Variants in PLEKHA7 observed in about 807,000 individuals in gnomAD.
PLEKHA7 encodes the protein pleckstrin homology domain containing A7.
In PLEKHA7, 104 loss-of-function variants were observed where a neutral mutation model predicts 170.0. The observed-to-expected ratio is 0.61, with a 90% CI of 0.52 to 0.72. PLEKHA7 has a LOEUF of 0.72. Ranked by LOEUF, PLEKHA7 falls within the 30% of genes least tolerant of loss-of-function variation. PLEKHA7 has a pLI of 0.00. For missense variants in PLEKHA7, 1,615 were observed against 1,671.7 expected (o/e 0.97, Z 0.59); for synonymous variants, 648 against 660.8 (o/e 0.98, Z 0.30).
chr11:16,816,845 G>T lies in PLEKHA7; in HGVS notation c.1821C>A (p.Ile607=). ...CCCTCCTTGGAGAATCCCCCAGCGA[G>T]ATGTCCACACTCCTCCTCTGGTCCG... The part of the protein sequence containing the change: ...KPPDQRRSVD[I]SLGDSPRRAR... The change falls in exon 11 of 27, where the codon ATC becomes ATA. Residue 607 remains isoleucine, a synonymous_variant. Transcript: ENST00000531066. 6.2e-7 allele frequency: 1 copy of T among 1,614,120 alleles called. No homozygotes were observed. The highest frequency in any genetic ancestry group is 8.5e-7 in the Non-Finnish European group (1 of 1,180,012).
intron 3 of PLEKHA7, 48 bp downstream of exon 3, chr11:17,013,919 GCCCGGCGGGAACGGGGAGGGAC>G (rs1865485142): frequency 6.2e-6 from 9 of 1,451,404 alleles, no homozygotes; most frequent in Non-Finnish European, 7.3e-6. Flanking sequence ...AGGGCGGGGC[GCCCGGCGGGAACGGGGAGGGAC>G]CCCCCCCCCG....
At position 16,802,921 on chromosome 11, in the gene PLEKHA7, G is replaced by A. The variant is rs1435554485; in HGVS notation, c.2157+51C>T. ...TCCAGCCTATGTCTCAAGAAAGACA[G>A]GACAAAATGTCCCTCTGCCCATTCC... On this transcript the variant is annotated intron_variant, in intron 15 of 26. Transcript: ENST00000531066. 3 of 1,434,634 alleles carry A rather than the reference G, an allele frequency of 2.1e-6. No individual in the cohort carries two copies. In the South Asian group the frequency reaches 3.5e-5, roughly 17 times the overall value. The allele number at this position is 1,434,634 out of a possible 1,614,324, so 88.9% of individuals were successfully genotyped here.
intron 3 of PLEKHA7, among the ~76,000 whole-genome samples, chr11:16,961,932 G>A (rs989614938): frequency 1.3e-5 from 2 of 152,172 alleles, no homozygotes; most frequent in African/African-American, 2.4e-5. Context: ...GAAGGGTCTG[G>A]CACATAGTAA....
chr11:16,929,678 C>T (rs947654546), intron 3 of PLEKHA7, among the ~76,000 whole-genome samples: 3 of 152,220 alleles, frequency 2.0e-5, no homozygotes, highest in Non-Finnish European at 4.4e-5. Context: ...AGGAACTGCA[C>T]CACCTCAGTG....
intron 3 of PLEKHA7, among the ~76,000 whole-genome samples, chr11:16,944,320 C>T (rs1457368057): frequency 6.6e-6 from 1 of 151,050 alleles, no homozygotes; most frequent in Non-Finnish European, 1.5e-5. Flanking sequence ...TGCCATTGCA[C>T]TCCAACCTAG....
At chr11:16,937,971 G>T (rs930103293) in intron 3 of PLEKHA7, among the ~76,000 whole-genome samples, 1 of 152,088 alleles carries the variant, frequency 6.6e-6, no homozygotes, top group Admixed American at 6.6e-5. Flanking sequence ...TGTTTTGGCT[G>T]CCAGGAAGCT....
intron 26 of PLEKHA7, 52 bp downstream of exon 26, chr11:16,782,702 A>G: frequency 6.5e-7 from 1 of 1,528,716 alleles, no homozygotes; most frequent in South Asian, 1.2e-5. Context: ...GCCCAAGCCC[A>G]CAGGTGCAGT....
intron 3 of PLEKHA7, among the ~76,000 whole-genome samples, chr11:16,948,407 A>G (rs1306288047): frequency 6.6e-6 from 1 of 152,198 alleles, no homozygotes; most frequent in Non-Finnish European, 1.5e-5. Flanking sequence ...CATGCTATAC[A>G]CAATAAATAC....
At chr11:16,998,517 A>C (rs150234492) in intron 3 of PLEKHA7, among the ~76,000 whole-genome samples, 146 of 152,342 alleles carry the variant, frequency 9.6e-4, no homozygotes, top group African/African-American at 3.3e-3. Context: ...GTATTCACAG[A>C]ACAGGAAGCC....
rs758985894 is a variant in PLEKHA7 at position 16,790,811 on chromosome 11, C to T, written c.3039G>A (p.Thr1013=). The T allele has an allele frequency of 1.3e-5, 21 of 1,608,402 alleles. No individual in the cohort carries two copies. The highest frequency in any genetic ancestry group is 1.0e-4 in the Admixed American group (6 of 59,354). Residue 1013 remains threonine (T), a synonymous_variant, in exon 21 of 27, where the codon ACG becomes ACA. Coordinates refer to ENST00000531066, the MANE Select transcript of PLEKHA7 (RefSeq NM_001329630.2). ...GLVGPESRYQ[T]LPGRGLSGST... The stretch of plus-strand genomic sequence containing the variant: ...GCCCTGCCTTACCTCTGCCTGGCAG[C>T]GTCTGGTACCTGCTCTCAGGGCCCA...
At chr11:16,816,745 G>A (rs1460272703) in intron 11 of PLEKHA7, 55 bp downstream of exon 11, 1 of 1,581,260 alleles carries the variant, frequency 6.3e-7, no homozygotes, top group Admixed American at 1.8e-5. Flanking sequence ...ACCAGGCAAA[G>A]CTCCTGGCGC....
At chr11:16,951,268 T>C (rs1565148654) in intron 3 of PLEKHA7, among the ~76,000 whole-genome samples, 1 of 152,040 alleles carries the variant, frequency 6.6e-6, no homozygotes, top group Non-Finnish European at 1.5e-5. Context: ...CCATGCAGCA[T>C]GGGGAAGGTG....
At chr11:16,898,494 G>C (rs1046465313) in intron 3 of PLEKHA7, among the ~76,000 whole-genome samples, 8 of 152,186 alleles carry the variant, frequency 5.3e-5, no homozygotes, top group African/African-American at 1.7e-4. Context: ...CTGAGATTTA[G>C]TTTCCTTATC....
At chr11:16,793,092 G>T (rs974021908) in intron 19 of PLEKHA7, among the ~76,000 whole-genome samples, 1 of 152,236 alleles carries the variant, frequency 6.6e-6, no homozygotes, top group Non-Finnish European at 1.5e-5. Context: ...AGCTGAGGAG[G>T]AGCCTCTGTG....
intron 3 of PLEKHA7, among the ~76,000 whole-genome samples, chr11:16,947,829 T>C (rs1436202498): frequency 4.6e-5 from 7 of 150,616 alleles, no homozygotes; most frequent in African/African-American, 1.7e-4. Flanking sequence ...GGCACGAGAA[T>C]TACTTGAGCC....
intron 13 of PLEKHA7, among the ~76,000 whole-genome samples, chr11:16,804,977 T>G (rs1848853998): frequency 6.6e-6 from 1 of 152,188 alleles, no homozygotes; most frequent in African/African-American, 2.4e-5. Flanking sequence ...AGGCAGAATG[T>G]GGGTTTTAAA....
chr11:16,848,234 A>G (rs1168954479), intron 8 of PLEKHA7, among the ~76,000 whole-genome samples: 1 of 152,244 alleles, frequency 6.6e-6, no homozygotes, highest in East Asian at 1.9e-4. Flanking sequence ...TTGAGAATAT[A>G]AGCCCTAAAA....
At chr11:16,830,168 G>A (rs1850998984) in intron 9 of PLEKHA7, among the ~76,000 whole-genome samples, 1 of 150,742 alleles carries the variant, frequency 6.6e-6, no homozygotes, top group South Asian at 2.1e-4. Flanking sequence ...TTTTTTTGTA[G>A]AGACAAGGTC....
chr11:17,010,236 A>G (rs1343195366), intron 3 of PLEKHA7, among the ~76,000 whole-genome samples: 2 of 151,940 alleles, frequency 1.3e-5, no homozygotes, highest in African/African-American at 4.8e-5. Flanking sequence ...AAAAATGCAA[A>G]AATTAGCCAG....
Sources: gnomAD v4.1 joint callset for allele counts (sites outside exome capture counted in the v4.1 genomes callset) on GRCh38, gnomAD v4.1.1 for gene constraint, MANE v1.5 for transcripts, NCBI Gene and HGNC (gene_info 2026-07-23, HGNC 2026-07-21) for gene names.